RPS6KC1: variants seen among roughly 807,000 people sequenced by gnomAD.
RPS6KC1 encodes the protein ribosomal protein S6 kinase C1.
In RPS6KC1, 54 loss-of-function variants were observed where a neutral mutation model predicts 103.8. The observed-to-expected ratio is 0.52, with a 90% confidence interval of 0.42 to 0.65. RPS6KC1 has a LOEUF of 0.65. Among genes scored for constraint, RPS6KC1 ranks in the 30% least tolerant of loss-of-function variants. The pLI is 0.00. For missense variants in RPS6KC1, 1,151 were observed against 1,253.8 expected (o/e 0.92, Z 1.24); for synonymous variants, 439 against 438.7 (o/e 1.00, Z -0.01).
chr1:213,415,718 G>A, the RPS6KC1 span, among the ~76,000 whole-genome samples: 1 of 152,158 alleles, frequency 6.6e-6, no homozygotes, highest in Non-Finnish European at 1.5e-5. Context: ...GGAATCCCTG[G>A]GACCCCTCCC....
At chr1:213,719,488 A>G in the RPS6KC1 span, among the ~76,000 whole-genome samples, 1 of 152,240 alleles carries the variant, frequency 6.6e-6, no homozygotes, top group Non-Finnish European at 1.5e-5. Context: ...GTGCATGTGC[A>G]TATATATAAA....
chr1:213,438,501 T>C, the RPS6KC1 span, among the ~76,000 whole-genome samples: 1 of 152,332 alleles, frequency 6.6e-6, no homozygotes, highest in African/African-American at 2.4e-5. Flanking sequence ...TTCAGGTTTA[T>C]ATGAGTTGGT....
intron 4 of RPS6KC1, among the ~76,000 whole-genome samples, chr1:213,115,021 T>G (rs564088223): frequency 3.3e-5 from 5 of 151,860 alleles, no homozygotes; most frequent in South Asian, 4.2e-4. Context: ...TCTCTTTTTT[T>G]GTTGTGTCTC....
chr1:213,154,703 C>G (rs1211013211), intron 6 of RPS6KC1, among the ~76,000 whole-genome samples: 1 of 152,232 alleles, frequency 6.6e-6, no homozygotes, highest in African/African-American at 2.4e-5. Context: ...ATAGTCAAGG[C>G]CTGAAATTGG....
chr1:213,443,103 G>T, the RPS6KC1 span, among the ~76,000 whole-genome samples: 1 of 152,182 alleles, frequency 6.6e-6, no homozygotes, highest in African/African-American at 2.4e-5. Flanking sequence ...TCTGATAGAA[G>T]TGGAGGTTGG....
At chr1:213,174,366 G>A (rs1158852131) in intron 7 of RPS6KC1, among the ~76,000 whole-genome samples, 1 of 152,148 alleles carries the variant, frequency 6.6e-6, no homozygotes, top group Admixed American at 6.6e-5. Flanking sequence ...TATAAATGAA[G>A]ATAGAAAAGA....
At chr1:213,153,657 C>T (rs1048815108) in intron 6 of RPS6KC1, among the ~76,000 whole-genome samples, 2 of 152,138 alleles carry the variant, frequency 1.3e-5, no homozygotes, top group Non-Finnish European at 2.9e-5. Flanking sequence ...TGTGTACTTA[C>T]TATTACTAGT....
the RPS6KC1 span, among the ~76,000 whole-genome samples, chr1:213,854,544 CTTTCTTTCTTTCTT>C: frequency 4.7e-4 from 50 of 106,626 alleles, 1 homozygote; most frequent in African/African-American, 1.7e-3. Flanking sequence ...TTCTTTCTTT[CTTTCTTTCTTTCTT>C]TCTTTCTCTC....
At chr1:213,152,347 T>C (rs1351663372) in intron 6 of RPS6KC1, among the ~76,000 whole-genome samples, 1 of 140,404 alleles carries the variant, frequency 7.1e-6, no homozygotes, top group African/African-American at 2.6e-5. Context: ...CCCACCTCCC[T>C]CCCGGACGGG....
chr1:213,679,916 A>G, the RPS6KC1 span, among the ~76,000 whole-genome samples: 193 of 152,328 alleles, frequency 1.3e-3, no homozygotes, highest in Middle Eastern at 3.4e-3. Context: ...TCTATTTAGG[A>G]AAACTTGGCA....
chr1:213,071,796 G>T (rs578226699), intron 2 of RPS6KC1, among the ~76,000 whole-genome samples: 3 of 150,436 alleles, frequency 2.0e-5, no homozygotes, highest in Non-Finnish European at 2.9e-5. Flanking sequence ...ACTGCTTTAG[G>T]CATAGATATT....
At chr1:213,747,038 C>T in the RPS6KC1 span, among the ~76,000 whole-genome samples, 1 of 152,060 alleles carries the variant, frequency 6.6e-6, no homozygotes, top group Non-Finnish European at 1.5e-5. Context: ...TTTGCATACA[C>T]CTGATATTTA....
At chr1:213,417,397 C>T in the RPS6KC1 span, among the ~76,000 whole-genome samples, 7 of 152,140 alleles carry the variant, frequency 4.6e-5, no homozygotes, top group Non-Finnish European at 5.9e-5. Context: ...CCGGGCACAG[C>T]GCGGAGTTGC....
At chr1:213,532,244 C>A in the RPS6KC1 span, among the ~76,000 whole-genome samples, 1 of 152,124 alleles carries the variant, frequency 6.6e-6, no homozygotes, top group Non-Finnish European at 1.5e-5. Context: ...CAAGGCAGCC[C>A]CATCCTGAAG....
chr1:213,122,665 C>A (rs1332932599), intron 5 of RPS6KC1, among the ~76,000 whole-genome samples: 1 of 152,068 alleles, frequency 6.6e-6, no homozygotes, highest in African/African-American at 2.4e-5. Context: ...CTAGGTGGCA[C>A]CATAAGAACT....
the RPS6KC1 span, among the ~76,000 whole-genome samples, chr1:213,313,828 G>C: frequency 6.6e-6 from 1 of 152,060 alleles, no homozygotes. Flanking sequence ...TGGCGGGCAC[G>C]TGTAGTCCCA....
chr1:213,178,585 A>G (rs909437464), intron 8 of RPS6KC1, among the ~76,000 whole-genome samples: 1 of 152,070 alleles, frequency 6.6e-6, no homozygotes, highest in African/African-American at 2.4e-5. Flanking sequence ...CAAAACAGGA[A>G]AGAAAGAAAG....
the RPS6KC1 span, among the ~76,000 whole-genome samples, chr1:213,573,633 A>G: frequency 6.6e-6 from 1 of 152,242 alleles, no homozygotes; most frequent in Non-Finnish European, 1.5e-5. Flanking sequence ...TTGTCAAAGA[A>G]TATTGCTTTT....
the RPS6KC1 span, among the ~76,000 whole-genome samples, chr1:213,589,409 G>A: frequency 6.6e-6 from 1 of 152,142 alleles, no homozygotes; most frequent in African/African-American, 2.4e-5. Flanking sequence ...GGAGGCCGAG[G>A]TGGGAAGATC....
Sources: allele counts gnomAD v4.1 joint callset (sites outside exome capture counted in the v4.1 genomes callset), GRCh38; gene constraint gnomAD v4.1.1; transcripts MANE v1.5; gene names NCBI Gene and HGNC (gene_info 2026-07-23, HGNC 2026-07-21).